RYR2: variants seen among roughly 807,000 people sequenced by gnomAD.
RYR2 encodes the protein ryanodine receptor 2.
Under a neutral mutation model 601.1 loss-of-function variants are expected in RYR2, and 227 were observed. The observed-to-expected ratio is 0.38, with a 90% CI of 0.34 to 0.42. The LOEUF (loss-of-function observed/expected upper bound fraction) is 0.42. Among genes scored for constraint, RYR2 ranks in the 10% least tolerant of loss-of-function variants. RYR2 has a pLI of 1.00. For missense variants in RYR2, 4,646 were observed against 6,156.5 expected, an observed-to-expected ratio of 0.75 and a Z score of 8.21; for synonymous variants, 2,223 against 2,175.1, an observed-to-expected ratio of 1.02 and a Z score of -0.61.
At chr1:237,739,917 T>C (rs1245233879) in intron 79 of RYR2, among the ~76,000 whole-genome samples, 1 of 152,244 alleles carries the variant, frequency 6.6e-6, no homozygotes, top group East Asian at 1.9e-4. Flanking sequence ...TTGAATTCTG[T>C]TGTGGATACC....
intron 22 of RYR2, among the ~76,000 whole-genome samples, 171 bp from the exon 23 acceptor site, chr1:237,506,539 A>AG (rs201701068): frequency 5.7e-4 from 81 of 142,372 alleles, no homozygotes; most frequent in African/African-American, 1.9e-3. Flanking sequence ...CTCCGTCTCA[A>AG]GGGGAAAAAA....
At position 237,638,293 on chromosome 1, in the gene RYR2, C is replaced by G. The variant is rs538763703; in HGVS notation, c.6793-64C>G. On this transcript the variant is annotated intron_variant, in intron 44 of 104. Coordinates refer to ENST00000366574, the MANE Select transcript of RYR2 (RefSeq NM_001035.3). ...CTTTAAGGATGTCATTTATTGTATC[C>G]AATGTAAGCATCTAATGAGTTTTCA... The G allele has an allele frequency of 5.6e-6, 9 of 1,601,268 alleles. No individual in the cohort carries two copies. The South Asian group carries it at 1.0e-4, about 18-fold the overall frequency.
At chr1:237,450,502 T>A (rs1458900987) in intron 14 of RYR2, among the ~76,000 whole-genome samples, 1 of 151,718 alleles carries the variant, frequency 6.6e-6, no homozygotes, top group Non-Finnish European at 1.5e-5. Flanking sequence ...AAAGTTTTCG[T>A]GTTTGTTTGG....
chr1:237,354,252 T>A (rs2149684796), intron 3 of RYR2, among the ~76,000 whole-genome samples: 1 of 152,260 alleles, frequency 6.6e-6, no homozygotes, highest in East Asian at 1.9e-4. Context: ...ATTAAAGAGC[T>A]CCTGTTACTA....
Position 237,654,370 on chromosome 1 carries a change from T to G in RYR2, c.7921T>G (p.Ser2641Ala). The G allele has an allele frequency of 6.2e-7, 1 of 1,613,966 alleles. No homozygotes were observed. Among genetic ancestry groups the G allele is most frequent in the Non-Finnish European group, 8.5e-7 (1 of 1,179,878 alleles). ...GAASEEELHL[S>A]RKLFWGIFDA... is the part of the protein sequence containing the mutation. ...TGCCTCAGAAGAAGAACTTCATTTATCAAGAAAGTTGTTCTGGGGCATTTT... is the reference window on the plus strand; with the variant it reads ...TGCCTCAGAAGAAGAACTTCATTTAGCAAGAAAGTTGTTCTGGGGCATTTT... Residue 2641 changes from serine to alanine, a missense_variant, in exon 52 of 105, where the codon TCA becomes GCA. Ser to Ala is a moderately conservative substitution (Grantham distance 99, BLOSUM62 1). Transcript: ENST00000366574.
At chr1:237,604,685 AAAG>A (rs1342347778) in intron 35 of RYR2, among the ~76,000 whole-genome samples, 3 of 152,192 alleles carry the variant, frequency 2.0e-5, no homozygotes, top group African/African-American at 4.8e-5. Context: ...CAAGACTAAT[AAAG>A]AAGAAAAGAG....
intron 27 of RYR2, 89 bp downstream of exon 27, chr1:237,550,780 G>C: frequency 2.2e-6 from 3 of 1,338,794 alleles, no homozygotes; most frequent in Non-Finnish European, 2.0e-6. Flanking sequence ...GGGGAGTACT[G>C]GATAGAGTCC....
intron 13 of RYR2, among the ~76,000 whole-genome samples, 197 bp from the exon 14 acceptor site, chr1:237,445,204 A>G (rs1335868295): frequency 1.3e-5 from 2 of 152,166 alleles, no homozygotes; most frequent in African/African-American, 4.8e-5. Context: ...TAATAACTAA[A>G]TGAATAAATG....
intron 14 of RYR2, among the ~76,000 whole-genome samples, chr1:237,450,252 G>A (rs1164947658): frequency 6.6e-6 from 1 of 152,084 alleles, no homozygotes; most frequent in African/African-American, 2.4e-5. Flanking sequence ...GGTCTCCAGG[G>A]TTCCCTCTTG....
chr1:237,309,963 C>T (rs986692182), intron 2 of RYR2, among the ~76,000 whole-genome samples: 11 of 152,194 alleles, frequency 7.2e-5, no homozygotes, highest in South Asian at 2.1e-4. Context: ...ACAAGCGCCA[C>T]GCGCAGCTCT....
At chr1:237,259,624 T>C (rs183769287) in intron 1 of RYR2, among the ~76,000 whole-genome samples, 6 of 152,218 alleles carry the variant, frequency 3.9e-5, no homozygotes, top group Admixed American at 6.5e-5. Flanking sequence ...TATCCTGTCA[T>C]TTCCTCTACT....
intron 1 of RYR2, among the ~76,000 whole-genome samples, chr1:237,114,886 C>G (rs1669885346): frequency 6.6e-6 from 1 of 152,122 alleles, no homozygotes; most frequent in African/African-American, 2.4e-5. Flanking sequence ...GAGTCAATAC[C>G]AGTGAAGGCA....
intron 68 of RYR2, among the ~76,000 whole-genome samples, chr1:237,708,455 G>A (rs1416886027): frequency 6.6e-6 from 1 of 152,184 alleles, no homozygotes. Context: ...TGCCAAGGAT[G>A]GGGATAGTTA....
Position 237,727,146 on chromosome 1 carries a change from G to A in RYR2, c.10785G>A (p.Arg3595=). 6.2e-7 allele frequency: 1 copy of A among 1,603,912 alleles called. No homozygotes were observed. Among genetic ancestry groups the A allele is most frequent in the Non-Finnish European group, 8.5e-7 (1 of 1,172,954 alleles). ...GGCATAAACTACTGTCCAAGCAGAG[G>A]AAAAGGGCTGTTGTAGCCTGCTTCC... The part of the protein sequence containing the change: ...AVWHKLLSKQ[R]KRAVVACFRM... Residue 3595 remains arginine (R), a synonymous_variant, in exon 76 of 105, where the codon AGG becomes AGA. Coordinates refer to ENST00000366574, the MANE Select transcript of RYR2 (RefSeq NM_001035.3).
At chr1:237,236,641 G>A (rs932581160) in intron 1 of RYR2, among the ~76,000 whole-genome samples, 4 of 152,176 alleles carry the variant, frequency 2.6e-5, no homozygotes, top group African/African-American at 9.6e-5. Context: ...AAAAAACATG[G>A]AAGTGAGCAG....
chr1:237,486,258 A>G (rs1289538336), intron 17 of RYR2, among the ~76,000 whole-genome samples: 1 of 152,190 alleles, frequency 6.6e-6, no homozygotes, highest in African/African-American at 2.4e-5. Context: ...TGTCCAGAAG[A>G]TAATTAGGAG....
chr1:237,610,949 C>T lies in RYR2; in HGVS notation c.4871C>T (p.Pro1624Leu). The T allele has an allele frequency of 3.1e-6, 5 of 1,613,428 alleles. No individual in the cohort carries two copies. The highest frequency in any genetic ancestry group is 4.2e-6 in the Non-Finnish European group (5 of 1,179,682). Residue 1624 changes from proline to leucine, a missense_variant, in exon 36 of 105, where the codon CCT (proline) becomes CTT (leucine). Pro to Leu is a moderately conservative substitution (Grantham distance 98). Around this residue, in one of 17 missense-constraint regions of RYR2, gnomAD observed 1,807 missense variants for 2,088.1 expected, o/e 0.87. Transcript: ENST00000366574. The surrounding 1 kb of genome is among the most constrained non-coding windows in gnomAD (Gnocchi z 4.9). The stretch of plus-strand genomic sequence containing the variant: ...GGCTGGTTGGTGCAGTGTTTGGATC[C>T]TCTGCAGTTCATGTCTCTTCATATC... ...RQGWLVQCLD[P>L]LQFMSLHIPE...
intron 1 of RYR2, among the ~76,000 whole-genome samples, chr1:237,209,904 T>G (rs1000851273): frequency 6.6e-6 from 1 of 152,210 alleles, no homozygotes; most frequent in Non-Finnish European, 1.5e-5. Flanking sequence ...TAATACATGT[T>G]CAGGATTTTA....
intron 1 of RYR2, among the ~76,000 whole-genome samples, chr1:237,084,303 C>T (rs1666064365): frequency 6.6e-6 from 1 of 152,140 alleles, no homozygotes; most frequent in Non-Finnish European, 1.5e-5. Context: ...TTTCATTTTC[C>T]TGACTTCTAA....
Sources: gnomAD v4.1 joint callset for allele counts (sites outside exome capture counted in the v4.1 genomes callset) on GRCh38, gnomAD v4.1.1 for gene constraint, gnomAD v4.1.1 regional missense constraint, Gnocchi (gnomAD v3.1) non-coding constraint, MANE v1.5 for transcripts, NCBI Gene and HGNC (gene_info 2026-07-23, HGNC 2026-07-21) for gene names.